Variants in ARPC1A observed in about 807,000 individuals in gnomAD.
ARPC1A encodes actin-related protein 2/3 complex subunit 1A.
A neutral mutation model predicts 46.9 loss-of-function variants in ARPC1A; 8 were observed. The observed-to-expected ratio is 0.17, with a 90% CI of 0.10 to 0.31. The LOEUF is 0.31. Among genes scored for constraint, ARPC1A ranks in the 10% least tolerant of loss-of-function variants. The pLI, the probability that ARPC1A is intolerant of heterozygous loss-of-function variation, is 1.00. For synonymous variants in ARPC1A, 152 were observed against 169.0 expected (o/e 0.90, Z 0.78); for missense variants, 286 against 483.6 (o/e 0.59, Z 3.83).
intron 6 of ARPC1A, among the ~76,000 whole-genome samples, chr7:99,358,124 G>C (rs1280483682): frequency 6.6e-6 from 1 of 152,164 alleles, no homozygotes; most frequent in Non-Finnish European, 1.5e-5. Context: ...CCAGTTTGTC[G>C]TCAGTGGGCA....
chr7:99,339,829 T>C (rs1793329024), intron 3 of ARPC1A: 1 of 329,364 alleles, frequency 3.0e-6, no homozygotes, highest in Non-Finnish European at 6.5e-6. Flanking sequence ...TGTGAATGTT[T>C]GTAGATGGTA....
At chr7:99,359,891 G>T (rs1356275431) in intron 8 of ARPC1A, 153 bp downstream of exon 8, 2 of 883,748 alleles carry the variant, frequency 2.3e-6, no homozygotes, top group East Asian at 2.7e-5. Flanking sequence ...CTTCCCGACC[G>T]CCAGGCTCTC....
At chr7:99,333,855 G>C (rs1160984083) in intron 2 of ARPC1A, among the ~76,000 whole-genome samples, 3 of 152,104 alleles carry the variant, frequency 2.0e-5, no homozygotes, top group African/African-American at 7.2e-5. Flanking sequence ...GACAAGATGA[G>C]GCTGGGTGCA....
chr7:99,353,324 A>G (rs1356832718), intron 5 of ARPC1A, among the ~76,000 whole-genome samples: 1 of 151,252 alleles, frequency 6.6e-6, no homozygotes, highest in East Asian at 2.0e-4. Flanking sequence ...ACACCCGGCT[A>G]ATTTTCTGTA....
chr7:99,329,259 C>T (rs181794293), intron 1 of ARPC1A, among the ~76,000 whole-genome samples: 21 of 151,564 alleles, frequency 1.4e-4, no homozygotes, highest in Non-Finnish European at 2.8e-4. Flanking sequence ...CGAGATCGTG[C>T]CACTGTACTC....
At chr7:99,358,538 T>A in intron 7 of ARPC1A, 123 bp downstream of exon 7, 27 of 212,724 alleles carry the variant, frequency 1.3e-4, no homozygotes, top group East Asian at 1.7e-4. Flanking sequence ...AGAGCTCACT[T>A]TTTTTTTTTT....
At chr7:99,339,518 C>A (rs555766302) in intron 3 of ARPC1A, among the ~76,000 whole-genome samples, 2 of 152,112 alleles carry the variant, frequency 1.3e-5, no homozygotes, top group East Asian at 3.9e-4. Context: ...ACAGCAAGAC[C>A]CTCATCTCAA....
intron 4 of ARPC1A, among the ~76,000 whole-genome samples, chr7:99,344,817 C>T (rs542576790): frequency 1.4e-5 from 2 of 145,212 alleles, no homozygotes; most frequent in Non-Finnish European, 3.0e-5. Context: ...CTCTCATTTA[C>T]AAATAATAAC....
chr7:99,340,698 A>G (rs897309396), intron 3 of ARPC1A, among the ~76,000 whole-genome samples: 1 of 152,216 alleles, frequency 6.6e-6, no homozygotes. Flanking sequence ...CTAATCACCT[A>G]AAATACTGAT....
intron 2 of ARPC1A, among the ~76,000 whole-genome samples, 176 bp from the exon 3 acceptor site, chr7:99,338,005 G>A (rs1584376750): frequency 2.0e-5 from 3 of 152,136 alleles, no homozygotes; most frequent in Admixed American, 2.0e-4. Flanking sequence ...AAAATACAGG[G>A]TCCAAGTAAA....
At chr7:99,333,543 C>A in intron 2 of ARPC1A, 126 bp downstream of exon 2, 1 of 781,528 alleles carries the variant, frequency 1.3e-6, no homozygotes, top group Non-Finnish European at 2.0e-6. Context: ...TATATACATT[C>A]AGAAGGGAAC....
intron 3 of ARPC1A, 93 bp downstream of exon 3, chr7:99,338,378 ATTTTTTTTTTT>A (rs754747240): frequency 2.1e-5 from 5 of 243,094 alleles, no homozygotes; most frequent in Admixed American, 1.8e-4. Flanking sequence ...GGTGGCCATA[ATTTTTTTTTTT>A]TTTTTTTTTT....
At chr7:99,352,625 C>T (rs888124144) in intron 5 of ARPC1A, among the ~76,000 whole-genome samples, 2 of 151,074 alleles carry the variant, frequency 1.3e-5, no homozygotes, top group Non-Finnish European at 2.9e-5. Flanking sequence ...TACACTCCAT[C>T]CCGGGCAACA....
In ARPC1A at chr7:99,359,538, G is replaced by GT. The variant is rs748107828; in HGVS notation, c.790-4dup. The GT allele has an allele frequency of 1.2e-6, 2 of 1,613,358 alleles. No individual in the cohort carries two copies. The highest frequency in any genetic ancestry group is 2.7e-5 in the African/African-American group (2 of 74,934). On this transcript the variant is annotated splice_polypyrimidine_tract_variant and splice_region_variant and intron_variant, in intron 7 of 9. Coordinates refer to ENST00000262942, the MANE Select transcript of ARPC1A (RefSeq NM_006409.4). ...ATCCTCCAGGGACTGACTGAGTCTTGTTTCAGGGCCATGACTGCTGCCCAA... is the reference window on the plus strand; with the variant it reads ...ATCCTCCAGGGACTGACTGAGTCTTGTTTTCAGGGCCATGACTGCTGCCCAA...
chr7:99,358,933 G>A (rs868528700), intron 7 of ARPC1A, among the ~76,000 whole-genome samples: 28 of 151,908 alleles, frequency 1.8e-4, no homozygotes, highest in African/African-American at 5.3e-4. Flanking sequence ...CCGGGTTCAC[G>A]CCATTCTCCT....
Position 99,329,462 on chromosome 7 carries a change from G to T in ARPC1A, c.-30+3458G>T, listed in dbSNP as rs530030408. On this transcript the variant is annotated intron_variant, in intron 1 of 9. Coordinates refer to ENST00000262942, the MANE Select transcript of ARPC1A (RefSeq NM_006409.4). ...TATAATTATCACCCTATGACAGAAG[G>T]TACCCTTTCTTGGTACATAATTCAA... Among the ~76,000 whole-genome samples, 6 of 152,128 alleles carry T rather than the reference G, an allele frequency of 3.9e-5. 1 individual carries two copies. The South Asian group carries it at 1.2e-3, about 32-fold the overall frequency.
chr7:99,335,943 G>C (rs1437012824), intron 2 of ARPC1A, among the ~76,000 whole-genome samples: 4 of 150,852 alleles, frequency 2.7e-5, no homozygotes, highest in African/African-American at 9.7e-5. Flanking sequence ...AACAGAGTGA[G>C]ACTCAGTCTC....
At chr7:99,357,896 CCT>C (rs1237524681) in intron 6 of ARPC1A, among the ~76,000 whole-genome samples, 1 of 152,174 alleles carries the variant, frequency 6.6e-6, no homozygotes, top group Admixed American at 6.5e-5. Context: ...TGGTCACAGC[CCT>C]CTCGGAGCTC....
intron 3 of ARPC1A, among the ~76,000 whole-genome samples, chr7:99,341,476 G>A (rs973321350): frequency 2.1e-4 from 32 of 152,022 alleles, no homozygotes; most frequent in African/African-American, 7.5e-4. Flanking sequence ...GGGCGTGGTG[G>A]CACATGCCTG....
Sources: gnomAD v4.1 joint callset for allele counts (sites outside exome capture counted in the v4.1 genomes callset) on GRCh38, gnomAD v4.1.1 for gene constraint, MANE v1.5 for transcripts, NCBI Gene and HGNC (gene_info 2026-07-23, HGNC 2026-07-21) for gene names.